Variants in CEP192 observed in about 807,000 individuals in gnomAD.
CEP192 encodes centrosomal protein of 192 kDa.
CEP192 carries 151 observed loss-of-function variants against 271.8 expected under a neutral mutation model. That is an observed-to-expected ratio of 0.56 (90% CI 0.49 to 0.64). The LOEUF is 0.64. Ranked by LOEUF, CEP192 falls within the 30% of genes least tolerant of loss-of-function variation. The pLI is 0.00. For synonymous variants in CEP192, 995 were observed against 1,076.5 expected (o/e 0.92, Z 1.48); for missense variants, 2,910 against 3,020.5 (o/e 0.96, Z 0.86).
At chr18:13,047,460 C>G (rs765948484) in intron 15 of CEP192, among the ~76,000 whole-genome samples, 5 of 152,156 alleles carry the variant, frequency 3.3e-5, no homozygotes, top group African/African-American at 9.7e-5. Flanking sequence ...TTTGCTTAGC[C>G]TTTTCTTGAA....
In CEP192 at chr18:13,096,300, G is replaced by A. The variant is rs146992015; in HGVS notation, c.6550G>A (p.Ala2184Thr). Reference sequence around the variant, plus strand: ...AGTCACGCCGCAGCATGGATGTGTCGCGCCAGAGTAAGTCTGACTTCTGTG... The same window carrying A: ...AGTCACGCCGCAGCATGGATGTGTCACGCCAGAGTAAGTCTGACTTCTGTG... ...LTVTPQHGCV[A>T]PESKLQILVS... Residue 2184 changes from alanine to threonine, a missense_variant, in exon 36 of 45, where the codon GCG becomes ACG. Transcript: ENST00000506447. 3.7e-5 allele frequency: 60 copies of A among 1,613,148 alleles called. No individual in the cohort carries two copies. Among genetic ancestry groups the A allele is most frequent in the Middle Eastern group, 3.3e-4 (2 of 6,078 alleles).
At chr18:13,072,698 T>C (rs775883013) in intron 28 of CEP192, 57 bp from the exon 29 acceptor site, 24 of 1,186,820 alleles carry the variant, frequency 2.0e-5, no homozygotes, top group African/African-American at 1.4e-4. Context: ...TTTATTCTTA[T>C]AATGGTAGCA....
chr18:13,054,419 C>G (rs2144101040), intron 18 of CEP192, among the ~76,000 whole-genome samples: 1 of 152,330 alleles, frequency 6.6e-6, no homozygotes, highest in East Asian at 1.9e-4. Flanking sequence ...TCTTCCTCCA[C>G]CAAGCCACTG....
At chr18:13,121,571 T>TA (rs2040660987) in intron 44 of CEP192, among the ~76,000 whole-genome samples, 1 of 152,264 alleles carries the variant, frequency 6.6e-6, no homozygotes, top group South Asian at 2.1e-4. Context: ...GAAACATTAC[T>TA]AACAGGTTTT....
At chr18:13,107,091 T>A (rs965687043) in intron 40 of CEP192, among the ~76,000 whole-genome samples, 1 of 152,232 alleles carries the variant, frequency 6.6e-6, no homozygotes, top group Non-Finnish European at 1.5e-5. Flanking sequence ...TGTGTACATA[T>A]ATAGATTTAA....
Position 13,068,902 on chromosome 18 carries a change from G to A in CEP192, c.4873G>A (p.Asp1625Asn). The A allele has an allele frequency of 6.2e-7, 1 of 1,614,152 alleles. No individual in the cohort carries two copies. Among genetic ancestry groups the A allele is most frequent in the East Asian group, 2.2e-5 (1 of 44,890 alleles). The change falls in exon 25 of 45, where the codon GAC becomes AAC. Residue 1625 changes from aspartate (D) to asparagine (N), a missense_variant. Physicochemically the swap from Asp to Asn is conservative, Grantham distance 23. Coordinates refer to ENST00000506447, the MANE Select transcript of CEP192 (RefSeq NM_032142.4). The stretch of plus-strand genomic sequence containing the variant: ...CTCGGCAAAAGTTGATATCGAAGTT[G>A]ACAGCCCAAACCCTACGCCCGTTCT... ...EFSAKVDIEV[D>N]SPNPTPVLRS...
In CEP192 at chr18:13,100,427, A is replaced by G. The variant is rs1324051491; in HGVS notation, c.6786A>G (p.Lys2262=). 1 of 1,613,928 alleles carries G rather than the reference A, an allele frequency of 6.2e-7. No homozygotes were observed. Residue 2262 remains lysine, a synonymous_variant, in exon 38 of 45, where the codon AAA becomes AAG. Coordinates refer to ENST00000506447, the MANE Select transcript of CEP192 (RefSeq NM_032142.4). ...AGCCTTCAGTTAGTCATTTGGTCAA[A>G]CCAATGACAAAACCGCCTTCCACAA... ...VSEPSVSHLV[K]PMTKPPSTKV... is the part of the protein sequence containing the mutation.
intron 4 of CEP192, among the ~76,000 whole-genome samples, chr18:13,011,372 G>A (rs1169589740): frequency 1.3e-5 from 2 of 152,108 alleles, no homozygotes; most frequent in Non-Finnish European, 2.9e-5. Flanking sequence ...ATTATTGGTA[G>A]AAATGTAAAG....
intron 8 of CEP192, 21 bp downstream of exon 8, chr18:13,018,636 C>T (rs766289332): frequency 2.1e-6 from 3 of 1,428,332 alleles, no homozygotes; most frequent in Non-Finnish European, 2.8e-6. Flanking sequence ...AAATATGATT[C>T]TTTTGTTCTT....
At chr18:13,092,325 T>G in intron 33 of CEP192, 52 bp from the exon 34 acceptor site, 1 of 1,216,220 alleles carries the variant, frequency 8.2e-7, no homozygotes, top group Non-Finnish European at 1.2e-6. Context: ...TGTTACTTTG[T>G]GGTATGCTTG....
Position 13,073,037 on chromosome 18 carries a change from G to A in CEP192, c.5468G>A (p.Arg1823Gln), listed in dbSNP as rs1598515788. 2 of 1,611,648 alleles carry A rather than the reference G, an allele frequency of 1.2e-6. No individual in the cohort carries two copies. Among genetic ancestry groups the A allele is most frequent in the African/African-American group, 1.3e-5 (1 of 74,912 alleles). ...QLQNTFGSEQRLTSNCEIRIH... is the reference protein window; with the variant it reads ...QLQNTFGSEQQLTSNCEIRIH... ...CAGAACACTTTTGGTTCAGAACAGC[G>A]ATTGACCAGTAACTGTGAGATCAGA... The change falls in exon 30 of 45, where the codon CGA becomes CAA. Residue 1823 changes from arginine to glutamine, a missense_variant. Coordinates refer to ENST00000506447, the MANE Select transcript of CEP192 (RefSeq NM_032142.4).
intron 30 of CEP192, among the ~76,000 whole-genome samples, chr18:13,080,638 T>C (rs896264066): frequency 6.6e-6 from 1 of 152,172 alleles, no homozygotes; most frequent in African/African-American, 2.4e-5. Flanking sequence ...TTTCTTTCTC[T>C]TGCCTGATTG....
At chr18:13,022,828 C>T (rs2035070030) in intron 9 of CEP192, among the ~76,000 whole-genome samples, 1 of 152,142 alleles carries the variant, frequency 6.6e-6, no homozygotes, top group African/African-American at 2.4e-5. Context: ...CATTGAATAT[C>T]TCTCTATTTA....
intron 21 of CEP192, among the ~76,000 whole-genome samples, chr18:13,065,438 C>T (rs1003587742): frequency 6.6e-5 from 10 of 151,968 alleles, no homozygotes; most frequent in African/African-American, 2.4e-4. Context: ...TCATTTTTTC[C>T]ATGAGTGCTT....
intron 15 of CEP192, among the ~76,000 whole-genome samples, chr18:13,046,917 G>T (rs1425549336): frequency 1.4e-5 from 2 of 139,486 alleles, no homozygotes; most frequent in Non-Finnish European, 3.0e-5. Context: ...TGTTACTCTT[G>T]ATATGTATTT....
At chr18:13,096,902 G>A (rs1172578676) in intron 36 of CEP192, among the ~76,000 whole-genome samples, 1 of 152,210 alleles carries the variant, frequency 6.6e-6, no homozygotes, top group Non-Finnish European at 1.5e-5. Flanking sequence ...TGATAGGTGG[G>A]AAAGCCACAG....
At chr18:13,057,156 C>T (rs887136655) in intron 19 of CEP192, among the ~76,000 whole-genome samples, 5 of 152,044 alleles carry the variant, frequency 3.3e-5, no homozygotes, top group South Asian at 2.1e-4. Context: ...CTCTGCCCTC[C>T]GGAGCAACTG....
At chr18:13,095,807 C>T (rs1439399489) in intron 35 of CEP192, 126 bp downstream of exon 35, 1 of 817,516 alleles carries the variant, frequency 1.2e-6, no homozygotes, top group African/African-American at 1.7e-5. Flanking sequence ...TTGCCCAGGC[C>T]CTGCTTCCAC....
intron 29 of CEP192, 27 bp downstream of exon 29, chr18:13,072,872 A>T: frequency 6.4e-7 from 1 of 1,571,736 alleles, no homozygotes; most frequent in Non-Finnish European, 8.8e-7. Flanking sequence ...GATTCTTGTT[A>T]TGTCTTCTGT....
Sources: gnomAD v4.1 joint callset for allele counts (sites outside exome capture counted in the v4.1 genomes callset) on GRCh38, gnomAD v4.1.1 for gene constraint, MANE v1.5 for transcripts, NCBI Gene and HGNC (gene_info 2026-07-23, HGNC 2026-07-21) for gene names.